The following ZFHX3 variants were observed in gnomAD, a reference collection of about 807,000 sequenced individuals.
ZFHX3 encodes the protein zinc finger homeobox protein 3.
A neutral mutation model predicts 279.1 loss-of-function variants in ZFHX3; 42 were observed. The observed-to-expected ratio is 0.15, with a 90% CI of 0.12 to 0.19. ZFHX3 has a LOEUF of 0.19. Among genes scored for constraint, ZFHX3 ranks in the 10% least tolerant of loss-of-function variants. ZFHX3 has a pLI of 1.00. For missense variants in ZFHX3, 4,981 were observed against 4,754.0 expected, an observed-to-expected ratio of 1.05 and a Z score of -1.40; for synonymous variants, 2,293 against 1,957.8, an observed-to-expected ratio of 1.17 and a Z score of -4.52.
At chr16:72,975,367 C>T (rs1374895149) in intron 1 of ZFHX3, among the ~76,000 whole-genome samples, 3 of 152,092 alleles carry the variant, frequency 2.0e-5, no homozygotes, top group African/African-American at 4.8e-5. Context: ...CACTTGAACC[C>T]GGGAGGCAGA....
intron 1 of ZFHX3, among the ~76,000 whole-genome samples, chr16:73,852,232 C>G (rs941476198): frequency 2.0e-5 from 3 of 152,136 alleles, no homozygotes; most frequent in African/African-American, 7.2e-5. Context: ...AAAATCATGA[C>G]AAAGCCACTT....
At chr16:73,845,981 T>G (rs1361464988) in intron 1 of ZFHX3, among the ~76,000 whole-genome samples, 1 of 152,140 alleles carries the variant, frequency 6.6e-6, no homozygotes, top group Non-Finnish European at 1.5e-5. Flanking sequence ...CCAGCTAATG[T>G]AGAGACAGGG....
chr16:73,716,451 C>T (rs544378048), intron 1 of ZFHX3, among the ~76,000 whole-genome samples: 4 of 152,256 alleles, frequency 2.6e-5, no homozygotes, highest in Admixed American at 2.0e-4. Context: ...AAAAGACGGG[C>T]TATTTTCCTT....
At chr16:73,110,161 G>A (rs1390035508) in intron 7 of ZFHX3, among the ~76,000 whole-genome samples, 1 of 150,348 alleles carries the variant, frequency 6.7e-6, no homozygotes, top group African/African-American at 2.5e-5. Context: ...CTGAGATTGC[G>A]CCACTGCACT....
At chr16:73,062,765 A>G (rs1320765319), upstream of ZFHX3, among the ~76,000 whole-genome samples, 1 of 151,428 alleles carries the variant, frequency 6.6e-6, no homozygotes, top group Non-Finnish European at 1.5e-5. Context: ...TGGAGGCAGG[A>G]GAGGTTGAAA....
chr16:73,583,509 T>C (rs898570003), intron 2 of ZFHX3, among the ~76,000 whole-genome samples: 11 of 152,204 alleles, frequency 7.2e-5, no homozygotes, highest in Non-Finnish European at 1.6e-4. Context: ...GCTGTGGAGT[T>C]AAAATAACGC....
chr16:73,239,135 A>G (rs932142876), intron 5 of ZFHX3, among the ~76,000 whole-genome samples: 1 of 152,160 alleles, frequency 6.6e-6, no homozygotes, highest in African/African-American at 2.4e-5. Flanking sequence ...TAATATTACT[A>G]TTTTTATTCC....
chr16:72,914,131 T>C lies in ZFHX3; in HGVS notation c.3217-24169A>G, dbSNP rs554697074. ...TCTAGAGACCTCTCTGCTATCCTGC[T>C]TCTTGATATACAACTCTGAAATTTC... On this transcript the variant is annotated intron_variant, in intron 3 of 9. Coordinates refer to ENST00000268489, the MANE Select transcript of ZFHX3 (RefSeq NM_006885.4). Among the ~76,000 whole-genome samples, 6 of 152,334 alleles carry C rather than the reference T, an allele frequency of 3.9e-5. No individual in the cohort carries two copies. In the South Asian group the frequency reaches 1.2e-3, roughly 32 times the overall value.
At position 73,579,587 on chromosome 16, in the gene ZFHX3, C is replaced by T. The variant is rs372206645; in HGVS notation, c.-1547+100593G>A. 7.6e-3 allele frequency among the ~76,000 whole-genome samples: 1,140 copies of T among 150,670 alleles called. 10 individuals are homozygous for T. The highest frequency in any genetic ancestry group is 0.011 in the Non-Finnish European group (737 of 67,678). On this transcript the variant is annotated intron_variant, in intron 2 of 17. Transcript: ENST00000641206. ...CGTGATCTTGGCTCACTGCAAGCTCCGCCTGCCGGGTTCACGCCATTCTCC... is the reference window on the plus strand; with the variant it reads ...CGTGATCTTGGCTCACTGCAAGCTCTGCCTGCCGGGTTCACGCCATTCTCC...
chr16:73,375,963 A>G (rs2016716057), intron 3 of ZFHX3, among the ~76,000 whole-genome samples: 1 of 152,214 alleles, frequency 6.6e-6, no homozygotes, highest in South Asian at 2.1e-4. Flanking sequence ...GATTTGAAGG[A>G]TAGCTTTCTA....
At chr16:73,434,169 C>T (rs970892351) in intron 3 of ZFHX3, among the ~76,000 whole-genome samples, 8 of 152,118 alleles carry the variant, frequency 5.3e-5, no homozygotes, top group African/African-American at 1.4e-4. Context: ...ATCTTGGACT[C>T]GAAAGTTGAC....
intron 4 of ZFHX3, among the ~76,000 whole-genome samples, chr16:73,259,572 G>T (rs2013761044): frequency 6.6e-6 from 1 of 152,154 alleles, no homozygotes; most frequent in Non-Finnish European, 1.5e-5. Flanking sequence ...TGCCACCTTT[G>T]TTCATTGCTG....
At chr16:72,989,478 A>C (rs1962990878) in intron 1 of ZFHX3, among the ~76,000 whole-genome samples, 1 of 123,250 alleles carries the variant, frequency 8.1e-6, no homozygotes, top group Non-Finnish European at 1.6e-5. Flanking sequence ...ACTCTGTCTC[A>C]AAAAAAAAAA....
intron 3 of ZFHX3, among the ~76,000 whole-genome samples, chr16:72,949,251 T>G (rs371045499): frequency 2.0e-5 from 3 of 152,092 alleles, no homozygotes; most frequent in African/African-American, 7.2e-5. Flanking sequence ...GGGACTCAAC[T>G]AGCTCGGGGC....
intron 5 of ZFHX3, among the ~76,000 whole-genome samples, chr16:73,228,902 G>A (rs1048028987): frequency 6.6e-6 from 1 of 152,144 alleles, no homozygotes; most frequent in Non-Finnish European, 1.5e-5. Flanking sequence ...CTTCTCCCTT[G>A]TGTTTTTGGA....
At chr16:73,240,021 TTGTGTGTGTG>T (rs113010649) in intron 5 of ZFHX3, among the ~76,000 whole-genome samples, 11 of 146,950 alleles carry the variant, frequency 7.5e-5, no homozygotes, top group African/African-American at 2.0e-4. Context: ...GAACCTTATT[TTGTGTGTGTG>T]TGTGTGTGTG....
At chr16:73,473,358 C>CAAAAAAAAAAAAAAAAAAAAAAAAAA (rs1300049292) in intron 2 of ZFHX3, among the ~76,000 whole-genome samples, 1 of 43,164 alleles carries the variant, frequency 2.3e-5, no homozygotes. Flanking sequence ...AAAAAAAAAA[C>CAAAAAAAAAAAAAAAAAAAAAAAAAA]AAAAAAAAAA....
intron 1 of ZFHX3, among the ~76,000 whole-genome samples, chr16:73,736,836 T>G (rs1033996337): frequency 1.2e-4 from 18 of 152,160 alleles, no homozygotes; most frequent in Non-Finnish European, 2.4e-4. Context: ...ACAGGGGTAT[T>G]GTTAGAGGTC....
chr16:73,638,427 T>C (rs2142153921), intron 2 of ZFHX3, among the ~76,000 whole-genome samples: 1 of 152,336 alleles, frequency 6.6e-6, no homozygotes, highest in South Asian at 2.1e-4. Flanking sequence ...TTCTTACTTG[T>C]CACTTTTCAA....
Sources: gnomAD v4.1 joint callset for allele counts (sites outside exome capture counted in the v4.1 genomes callset) on GRCh38, gnomAD v4.1.1 for gene constraint, MANE v1.5 for transcripts, NCBI Gene and HGNC (gene_info 2026-07-23, HGNC 2026-07-21) for gene names.